SUCLA2: variants seen among roughly 807,000 people sequenced by gnomAD.
SUCLA2 encodes succinate--CoA ligase [ADP-forming] subunit beta, mitochondrial.
A neutral mutation model predicts 54.8 loss-of-function variants in SUCLA2; 30 were observed. That is an observed-to-expected ratio of 0.55 (90% CI 0.41 to 0.74). The LOEUF is 0.74. Among genes scored for constraint, SUCLA2 ranks in the 30% least tolerant of loss-of-function variants. The pLI is 0.00. For missense variants in SUCLA2, 476 were observed against 562.9 expected, an observed-to-expected ratio of 0.85 and a Z score of 1.56; for synonymous variants, 172 against 188.9, an observed-to-expected ratio of 0.91 and a Z score of 0.74.
intron 6 of SUCLA2, among the ~76,000 whole-genome samples, chr13:47,955,158 T>C (rs769381019): frequency 2.5e-4 from 38 of 151,988 alleles, no homozygotes; most frequent in Non-Finnish European, 5.1e-4. Flanking sequence ...AAAAAAGAAA[T>C]AGAGGGGTGA....
At chr13:47,945,543 C>T (rs796210854) in intron 10 of SUCLA2, among the ~76,000 whole-genome samples, 4 of 151,066 alleles carry the variant, frequency 2.6e-5, no homozygotes, top group African/African-American at 9.7e-5. Context: ...AAAAAATTCT[C>T]ATCTCTCTGT....
At chr13:47,962,819 A>T (rs1949881524) in intron 6 of SUCLA2, among the ~76,000 whole-genome samples, 3 of 151,962 alleles carry the variant, frequency 2.0e-5, no homozygotes. Flanking sequence ...TTTTGGATAA[A>T]CACAGAAATT....
chr13:47,978,948 A>G (rs953269178), intron 4 of SUCLA2, among the ~76,000 whole-genome samples: 1 of 152,268 alleles, frequency 6.6e-6, no homozygotes, highest in Non-Finnish European at 1.5e-5. Context: ...AGAAATGCAA[A>G]TCAAAACCAC....
At chr13:47,994,947 G>T in intron 2 of SUCLA2, 1 of 677,640 alleles carries the variant, frequency 1.5e-6, no homozygotes, top group Non-Finnish European at 1.8e-6. Flanking sequence ...ATTGGCATCT[G>T]AATTAATCCT....
intron 4 of SUCLA2, among the ~76,000 whole-genome samples, chr13:47,985,938 A>G (rs1950099600): frequency 6.6e-6 from 1 of 151,706 alleles, no homozygotes; most frequent in Non-Finnish European, 1.5e-5. Flanking sequence ...CCTGAGTGGC[A>G]TGAGATGGTA....
chr13:47,985,122 A>C (rs1329010528), intron 4 of SUCLA2, among the ~76,000 whole-genome samples: 2 of 152,236 alleles, frequency 1.3e-5, no homozygotes, highest in Non-Finnish European at 2.9e-5. Flanking sequence ...CAGGATGTGA[A>C]AGGTACTAAA....
chr13:47,953,658 C>T (rs1456232965), intron 8 of SUCLA2, among the ~76,000 whole-genome samples: 1 of 152,024 alleles, frequency 6.6e-6, no homozygotes, highest in African/African-American at 2.4e-5. Context: ...GGGCATTATA[C>T]CAGACACTAC....
At chr13:47,950,568 T>C (rs1949768026) in intron 8 of SUCLA2, among the ~76,000 whole-genome samples, 1 of 152,086 alleles carries the variant, frequency 6.6e-6, no homozygotes, top group African/African-American at 2.4e-5. Flanking sequence ...CACATCCAAA[T>C]CTCAGGACCT....
At chr13:47,954,920 G>T (rs1949807499) in intron 6 of SUCLA2, among the ~76,000 whole-genome samples, 1 of 151,856 alleles carries the variant, frequency 6.6e-6, no homozygotes. Context: ...CAAAAATAAT[G>T]TTCCAGCAAT....
chr13:47,971,522 G>C, intron 5 of SUCLA2: 1 of 222,374 alleles, frequency 4.5e-6, no homozygotes, highest in Non-Finnish European at 8.7e-6. Context: ...ACTCTCACAG[G>C]CCTTAATATT....
intron 10 of SUCLA2, among the ~76,000 whole-genome samples, chr13:47,948,418 C>G (rs1949751683): frequency 1.3e-5 from 2 of 152,014 alleles, no homozygotes; most frequent in African/African-American, 4.8e-5. Context: ...TAGGGTCTCC[C>G]TATGTTGCCC....
At chr13:47,998,178 G>A (rs1039739375) in intron 1 of SUCLA2, among the ~76,000 whole-genome samples, 1 of 151,996 alleles carries the variant, frequency 6.6e-6, no homozygotes, top group Non-Finnish European at 1.5e-5. Context: ...TCCTGAGACT[G>A]AGGCAGGAGG....
chr13:47,983,281 G>C (rs1260711948), intron 4 of SUCLA2, among the ~76,000 whole-genome samples: 2 of 152,112 alleles, frequency 1.3e-5, no homozygotes, highest in East Asian at 3.9e-4. Flanking sequence ...CTCTAGCAAG[G>C]CAGTGCATAA....
At chr13:47,952,585 G>A (rs1034376233) in intron 8 of SUCLA2, among the ~76,000 whole-genome samples, 3 of 151,922 alleles carry the variant, frequency 2.0e-5, no homozygotes, top group Non-Finnish European at 4.4e-5. Context: ...ACCCTTCTAT[G>A]AGGCTCCCAG....
At chr13:47,947,694 T>A (rs546913302) in intron 10 of SUCLA2, among the ~76,000 whole-genome samples, 1 of 152,034 alleles carries the variant, frequency 6.6e-6, no homozygotes, top group African/African-American at 2.4e-5. Context: ...AAATCAAATA[T>A]GAATATGGTC....
intron 5 of SUCLA2, chr13:47,972,136 T>G (rs1949971570): frequency 3.1e-6 from 1 of 323,984 alleles, no homozygotes; most frequent in Admixed American, 5.0e-5. Flanking sequence ...GCGCCTGTAG[T>G]CCCAGCTAGT....
At chr13:47,977,850 T>A (rs573507787) in intron 4 of SUCLA2, among the ~76,000 whole-genome samples, 70 of 152,230 alleles carry the variant, frequency 4.6e-4, no homozygotes, top group African/African-American at 1.5e-3. Flanking sequence ...GCAAAAATCA[T>A]AAGCATTCCT....
chr13:47,954,027 A>ATC, intron 8 of SUCLA2, 113 bp downstream of exon 8: 1 of 1,000,146 alleles, frequency 1.0e-6, no homozygotes, highest in Non-Finnish European at 1.3e-6. Context: ...CAAAATATAT[A>ATC]TTAAAAGACA....
intron 10 of SUCLA2, among the ~76,000 whole-genome samples, chr13:47,948,602 C>T (rs1949753258): frequency 6.6e-6 from 1 of 152,130 alleles, no homozygotes; most frequent in East Asian, 1.9e-4. Flanking sequence ...TCCTCCCTTA[C>T]CCATAATGTA....
Sources: gnomAD v4.1 joint callset for allele counts (sites outside exome capture counted in the v4.1 genomes callset) on GRCh38, gnomAD v4.1.1 for gene constraint, MANE v1.5 for transcripts, NCBI Gene and HGNC (gene_info 2026-07-23, HGNC 2026-07-21) for gene names.